Variants in KIFC3 observed in about 807,000 individuals in gnomAD.
KIFC3 encodes kinesin-like protein KIFC3.
Under a neutral mutation model 101.8 loss-of-function variants are expected in KIFC3, and 60 were observed. The observed-to-expected ratio is 0.59, with a 90% CI of 0.48 to 0.73. KIFC3 has a LOEUF of 0.73. Among genes scored for constraint, KIFC3 ranks in the 30% least tolerant of loss-of-function variants. The pLI is 0.00. For synonymous variants in KIFC3, 476 were observed against 482.7 expected (o/e 0.99, Z 0.18); for missense variants, 966 against 1,137.1 (o/e 0.85, Z 2.16).
At chr16:57,776,109 A>T in intron 3 of KIFC3, 2 of 985,350 alleles carry the variant, frequency 2.0e-6, no homozygotes, top group Non-Finnish European at 2.4e-6. Flanking sequence ...CAGAAAGAAA[A>T]CCTGCTGGTT....
At chr16:57,849,737 T>A (rs1567341190) in intron 1 of KIFC3, among the ~76,000 whole-genome samples, 1 of 152,064 alleles carries the variant, frequency 6.6e-6, no homozygotes, top group Non-Finnish European at 1.5e-5. Context: ...ACCCCATCTC[T>A]ACTAAAAATA....
At chr16:57,785,077 G>A (rs535342100) in intron 3 of KIFC3, among the ~76,000 whole-genome samples, 3 of 152,290 alleles carry the variant, frequency 2.0e-5, no homozygotes, top group East Asian at 1.9e-4. Flanking sequence ...AGTTTTGTCC[G>A]CTCAGGCTGC....
chr16:57,816,550 A>G (rs1214984429), intron 1 of KIFC3: 7 of 456,644 alleles, frequency 1.5e-5, no homozygotes, highest in Non-Finnish European at 3.1e-5. Flanking sequence ...GCTGCGAGTG[A>G]CAGCTGGCTG....
intron 1 of KIFC3, among the ~76,000 whole-genome samples, chr16:57,814,570 C>T (rs1350082333): frequency 2.6e-5 from 4 of 152,166 alleles, no homozygotes; most frequent in African/African-American, 9.7e-5. Context: ...CTATAATTAT[C>T]CCATGTTACA....
chr16:57,782,215 G>A (rs2052817858), intron 3 of KIFC3: 3 of 882,814 alleles, frequency 3.4e-6, no homozygotes, highest in Non-Finnish European at 4.1e-6. Flanking sequence ...CCCCCAAACT[G>A]CAATGCGACA....
rs113453053 is a variant in KIFC3 at position 57,810,249 on chromosome 16, C to T, written c.109-11967G>A. Among the ~76,000 whole-genome samples the T allele has an allele frequency of 5.5e-3, 838 of 152,264 alleles. 3 individuals carry two copies. The Middle Eastern group carries it at 0.082, about 15-fold the overall frequency. The stretch of plus-strand genomic sequence containing the variant: ...GGGACAGGGGCCATAAGGGAAGCCA[C>T]GTGCTCCTGGAAAGCCATAGCCACA... On this transcript the variant is annotated intron_variant, in intron 1 of 2. Coordinates refer to the KIFC3 transcript ENST00000563028.
At chr16:57,851,658 C>A (rs1006924877) in intron 1 of KIFC3, among the ~76,000 whole-genome samples, 12 of 151,764 alleles carry the variant, frequency 7.9e-5, no homozygotes, top group African/African-American at 2.9e-4. Flanking sequence ...CCTCCGCCTT[C>A]CAGGTTCAAG....
At position 57,765,500 on chromosome 16, in the gene KIFC3, C is replaced by G. The variant is rs1300503480; in HGVS notation, c.1471G>C (p.Glu491Gln). ...LLHKGKPVSFELDKVFSPQAS... is the reference protein window; with the variant it reads ...LLHKGKPVSFQLDKVFSPQAS... ...TGTGGGGAGAAGACCTTGTCCAGCT[C>G]GAAGGACACAGGCTTGCCCTTGTGC... The change falls in exon 11 of 20, where the codon GAG becomes CAG. Residue 491 changes from glutamate to glutamine, a missense_variant. Around this residue, in one of 2 missense-constraint regions of KIFC3, gnomAD observed 689 missense variants for 884.6 expected, o/e 0.78. Coordinates refer to ENST00000445690, the MANE Select transcript of KIFC3 (RefSeq NM_001130100.2). The G allele has an allele frequency of 2.5e-6, 4 of 1,589,766 alleles. No homozygotes were observed. Among genetic ancestry groups the G allele is most frequent in the Non-Finnish European group, 3.4e-6 (4 of 1,167,114 alleles).
intron 1 of KIFC3, among the ~76,000 whole-genome samples, chr16:57,861,655 T>C (rs1959279119): frequency 6.6e-6 from 1 of 152,178 alleles, no homozygotes. Flanking sequence ...GGGAGCCATG[T>C]GATCAAAATA....
intron 1 of KIFC3, among the ~76,000 whole-genome samples, chr16:57,829,747 T>C (rs1241685828): frequency 6.6e-6 from 1 of 152,094 alleles, no homozygotes; most frequent in Non-Finnish European, 1.5e-5. Context: ...CCACTCAGGG[T>C]AATCTCACGG....
At chr16:57,764,278 G>T in intron 11 of KIFC3, 31 bp from the exon 12 acceptor site, 4 of 1,284,898 alleles carry the variant, frequency 3.1e-6, no homozygotes, top group South Asian at 1.3e-5. Flanking sequence ...AGGCTGGTGG[G>T]GGGGCTTCCA....
In KIFC3 at chr16:57,840,702, G is replaced by C. The variant is rs528590578; in HGVS notation, c.108+22027C>G. On this transcript the variant is annotated intron_variant, in intron 1 of 2. Transcript: ENST00000563028. ...TTGAACCCAGGAGGCAGAGGTTGTA[G>C]CTAGCCGAGATCTCGCCACCGCACT... is the stretch of plus-strand genomic sequence containing the variant. Among the ~76,000 whole-genome samples, 12 of 150,962 alleles carry C rather than the reference G, an allele frequency of 7.9e-5. No homozygotes were observed. The East Asian group carries it at 2.3e-3, about 29-fold the overall frequency.
At chr16:57,764,275 T>TGGGGGGGGGGTGGGGGGGG in intron 11 of KIFC3, 28 bp from the exon 12 acceptor site, 3 of 539,912 alleles carry the variant, frequency 5.6e-6, no homozygotes, top group East Asian at 4.6e-5. Flanking sequence ...GGGAGGCTGG[T>TGGGGGGGGGGTGGGGGGGG]GGGGGGGCTT....
chr16:57,853,609 TTTTAA>T (rs567621231), intron 1 of KIFC3, among the ~76,000 whole-genome samples: 34 of 152,158 alleles, frequency 2.2e-4, no homozygotes, highest in African/African-American at 7.5e-4. Flanking sequence ...AATTTTTTAA[TTTTAA>T]TTTTAGTTTT....
chr16:57,758,376 T>G lies in KIFC3; in HGVS notation c.*558A>C. 1 of 318,276 alleles carries G rather than the reference T, an allele frequency of 3.1e-6. No homozygotes were observed. Among genetic ancestry groups the G allele is most frequent in the Non-Finnish European group, 6.1e-6 (1 of 163,430 alleles). The allele number at this position is 318,276 out of a possible 1,614,324, so 19.7% of individuals were successfully genotyped here. On this transcript the variant is annotated 3_prime_UTR_variant, in exon 20 of 20. Transcript: ENST00000445690. ...ACCCGCTGGCTGCCTCTGCCAGCCATAAACACAGCACGGCCCCGTGGCGGG... is the reference window on the plus strand; with the variant it reads ...ACCCGCTGGCTGCCTCTGCCAGCCAGAAACACAGCACGGCCCCGTGGCGGG...
rs1350575746 is a variant in KIFC3, at chr16:57,815,345, T to G, written c.109-17063A>C. 9.9e-6 allele frequency: 9 copies of G among 909,378 alleles called. No homozygotes were observed. In the Admixed American group the frequency reaches 4.2e-4, roughly 43 times the overall value. The allele number at this position is 909,378 out of a possible 1,614,324, so 56.3% of individuals were successfully genotyped here. A position where few individuals can be genotyped will look rare whatever the true frequency, so the allele number is the denominator to read the frequency against. ...GTAACCAGAGTAGCTCCGGGTTGCT[T>G]CTGTTAGCTCAAGGCCACAGGTACA... On this transcript the variant is annotated intron_variant, in intron 1 of 2. Transcript: ENST00000563028.
At position 57,862,823 on chromosome 16, in the gene KIFC3, TC is replaced by T; in HGVS notation, c.13del (p.Glu5SerfsTer9). ...CAGAGTGTTCTTCCTGAAAAGAAAC[TC>T]CATCTGTGCCATTTTCCGAGCAATA... On this transcript the variant is annotated frameshift_variant, in exon 1 of 3. Coordinates refer to the KIFC3 transcript ENST00000563028. LOFTEE classifies it high-confidence loss of function. 1 of 1,288,458 alleles carries T rather than the reference TC, an allele frequency of 7.8e-7. No individual in the cohort carries two copies. The highest frequency in any genetic ancestry group is 1.2e-5 in the South Asian group (1 of 80,998). 79.8% of individuals were successfully genotyped at this position (1,288,458 alleles called of 1,614,324 possible). A position where few individuals can be genotyped will look rare whatever the true frequency, so the allele number is the denominator to read the frequency against.
At chr16:57,840,313 G>T (rs1278490315) in intron 1 of KIFC3, among the ~76,000 whole-genome samples, 1 of 152,068 alleles carries the variant, frequency 6.6e-6, no homozygotes, top group Non-Finnish European at 1.5e-5. Context: ...ACTCCAGCCT[G>T]AGTGACAGAG....
At chr16:57,819,207 C>G (rs1568084633) in intron 1 of KIFC3, among the ~76,000 whole-genome samples, 1 of 152,208 alleles carries the variant, frequency 6.6e-6, no homozygotes, top group South Asian at 2.1e-4. Context: ...TGGTGGCTCA[C>G]GCATGTACTC....
Sources: gnomAD v4.1 joint callset for allele counts (sites outside exome capture counted in the v4.1 genomes callset) on GRCh38, gnomAD v4.1.1 for gene constraint, gnomAD v4.1.1 regional missense constraint, MANE v1.5 for transcripts, NCBI Gene and HGNC (gene_info 2026-07-23, HGNC 2026-07-21) for gene names.